Variants in SRD5A1 observed in about 807,000 individuals in gnomAD.
SRD5A1 encodes the protein 3-oxo-5-alpha-steroid 4-dehydrogenase 1.
In SRD5A1, 22 loss-of-function variants were observed where a neutral mutation model predicts 28.2. The ratio of observed to expected loss-of-function variants is 0.78; its 90% CI spans 0.56 to 1.12. The LOEUF (loss-of-function observed/expected upper bound fraction) is 1.12, where lower values mean the gene tolerates loss of function less well. Among genes scored for constraint, SRD5A1 ranks in the 50% most tolerant of loss-of-function variants. The pLI is 0.00. For missense variants in SRD5A1, 300 were observed against 346.7 expected, an observed-to-expected ratio of 0.87 and a Z score of 1.07; for synonymous variants, 151 against 135.0, an observed-to-expected ratio of 1.12 and a Z score of -0.82.
chr5:6,667,926 T>G (rs1275439221), intron 4 of SRD5A1, among the ~76,000 whole-genome samples: 1 of 152,252 alleles, frequency 6.6e-6, no homozygotes, highest in African/African-American at 2.4e-5. Flanking sequence ...CGCAATGTGC[T>G]GATCAGTATT....
chr5:6,635,558 C>G (rs1560991736), intron 1 of SRD5A1, among the ~76,000 whole-genome samples: 3 of 152,216 alleles, frequency 2.0e-5, no homozygotes, highest in Non-Finnish European at 2.9e-5. Context: ...ATGGAACCCC[C>G]CTGTGGGATC....
rs1739278449 is a variant in SRD5A1 at position 6,668,951 on chromosome 5, C to T, written c.*683C>T. On this transcript the variant is annotated 3_prime_UTR_variant, in exon 5 of 5. Transcript: ENST00000274192. ...GTGGTGGTTCATACGGAGTAAGCTG[C>T]TCTGCCTGTGTGAGTGGCTCCTGGG... 1 of 152,354 alleles carries T rather than the reference C, an allele frequency of 6.6e-6. No individual in the cohort carries two copies. The highest frequency in any genetic ancestry group is 2.1e-4 in the South Asian group (1 of 4,828). 9.4% of individuals were successfully genotyped at this position (152,354 alleles called of 1,614,324 possible). A position where few individuals can be genotyped will look rare whatever the true frequency, so the allele number is the denominator to read the frequency against.
In SRD5A1 at chr5:6,633,781, T is replaced by C. The variant is rs1738068455; in HGVS notation, c.205T>C (p.Tyr69His). 11 of 1,597,766 alleles carry C rather than the reference T, an allele frequency of 6.9e-6. No homozygotes were observed. The highest frequency in any genetic ancestry group is 8.5e-6 in the Non-Finnish European group (10 of 1,179,636). ...GCTGCCCTCGCTGGCCCTGCCGCTC[T>C]ACCAGTACGCCAGCGAGTCCGCCCC... ...QELPSLALPL[Y>H]QYASESAPRL... The change falls in exon 1 of 5, where the codon TAC becomes CAC. Residue 69 changes from tyrosine to histidine, a missense_variant. This residue lies in a region of SRD5A1 where 174 missense variants were observed against 160.9 expected (regional missense o/e 1.08). Transcript: ENST00000274192.
In SRD5A1 at chr5:6,639,275, T is replaced by C. The variant is rs553765382; in HGVS notation, c.293+5406T>C. On this transcript the variant is annotated intron_variant, in intron 1 of 4. Coordinates refer to ENST00000274192, the MANE Select transcript of SRD5A1 (RefSeq NM_001047.4). ...TTAAAGAATAGTCATTCCAAGTAGT[T>C]GCTTGCATTTTCATCCTCTGGAATG... is the stretch of plus-strand genomic sequence containing the variant. Among the ~76,000 whole-genome samples, 9 of 152,374 alleles carry C rather than the reference T, an allele frequency of 5.9e-5. No homozygotes were observed. In the East Asian group the frequency reaches 1.7e-3, roughly 29 times the overall value.
Position 6,633,830 on chromosome 5 carries a change from G to C in SRD5A1, c.254G>C (p.Cys85Ser). The change falls in exon 1 of 5, where the codon TGC (cysteine) becomes TCC (serine). Residue 85 changes from cysteine to serine, a missense_variant. By Grantham distance (112) the Cys-to-Ser change is moderately radical. This residue lies in a region of SRD5A1 where 174 missense variants were observed against 160.9 expected (regional missense o/e 1.08). Coordinates refer to ENST00000274192, the MANE Select transcript of SRD5A1 (RefSeq NM_001047.4). The part of the protein sequence containing the change: ...SAPRLRSAPN[C>S]ILLAMFLVHY... The stretch of plus-strand genomic sequence containing the variant: ...CCGCGTCTCCGCAGCGCGCCCAACT[G>C]CATCCTCCTGGCCATGTTCCTCGTC... 6.3e-7 allele frequency: 1 copy of C among 1,597,790 alleles called. No homozygotes were observed. Among genetic ancestry groups the C allele is most frequent in the Non-Finnish European group, 8.5e-7 (1 of 1,179,622 alleles).
chr5:6,670,236 A>G lies in SRD5A1; in HGVS notation c.*1968A>G, dbSNP rs1219824340. ...CCCAGGAAAAAAATAAAGTCTCCACATTTTGGCCTATAGGGATCCTGCCCC... is the reference window on the plus strand; with the variant it reads ...CCCAGGAAAAAAATAAAGTCTCCACGTTTTGGCCTATAGGGATCCTGCCCC... On this transcript the variant is annotated 3_prime_UTR_variant, in exon 5 of 5. Transcript: ENST00000274192. 6.6e-6 allele frequency: 1 copy of G among 152,170 alleles called. No homozygotes were observed. The highest frequency in any genetic ancestry group is 1.5e-5 in the Non-Finnish European group (1 of 68,032). 9.4% of individuals were successfully genotyped at this position (152,170 alleles called of 1,614,324 possible).
In SRD5A1 at chr5:6,658,122, C is replaced by G. The variant is rs183283440; in HGVS notation, c.562+1943C>G. On this transcript the variant is annotated intron_variant, in intron 3 of 4. Coordinates refer to ENST00000274192, the MANE Select transcript of SRD5A1 (RefSeq NM_001047.4). ...GGCAGATCACATGAGGTCCAGAGTTCGAGACCAACCTGGCCAACATGGTAA... is the reference window on the plus strand; with the variant it reads ...GGCAGATCACATGAGGTCCAGAGTTGGAGACCAACCTGGCCAACATGGTAA... 4.6e-5 allele frequency among the ~76,000 whole-genome samples: 7 copies of G among 152,106 alleles called. No homozygotes were observed. The East Asian group carries it at 1.2e-3, about 25-fold the overall frequency.
chr5:6,646,205 T>C (rs1738507017), intron 1 of SRD5A1, among the ~76,000 whole-genome samples: 2 of 152,236 alleles, frequency 1.3e-5, no homozygotes, highest in Admixed American at 1.3e-4. Flanking sequence ...TAGTATTCCA[T>C]GGTGTATATG....
chr5:6,671,108 T>G lies in SRD5A1; in HGVS notation c.*2840T>G, dbSNP rs1366172921. ...TGTTTTCCATGGTGGCTCTAATAGT[T>G]TACATTCCCACCAGCAGTGTGGAAG... On this transcript the variant is annotated 3_prime_UTR_variant, in exon 5 of 5. Coordinates refer to ENST00000274192, the MANE Select transcript of SRD5A1 (RefSeq NM_001047.4). 1 of 152,224 alleles carries G rather than the reference T, an allele frequency of 6.6e-6. No individual in the cohort carries two copies. Among genetic ancestry groups the G allele is most frequent in the Non-Finnish European group, 1.5e-5 (1 of 68,040 alleles). The allele number at this position is 152,224 out of a possible 1,614,324, so 9.4% of individuals were successfully genotyped here.
At chr5:6,644,756 C>T (rs1738458579) in intron 1 of SRD5A1, 1 of 406,558 alleles carries the variant, frequency 2.5e-6, no homozygotes, top group South Asian at 1.8e-5. Context: ...CTATGACAGT[C>T]CAAGAAGCCC....
At chr5:6,662,179 G>A (rs749516242) in intron 3 of SRD5A1, among the ~76,000 whole-genome samples, 3 of 152,160 alleles carry the variant, frequency 2.0e-5, no homozygotes, top group African/African-American at 2.4e-5. Context: ...GCCTTGAATC[G>A]ACCCTCACCT....
In SRD5A1 at chr5:6,671,144, T is replaced by C. The variant is rs1739347508; in HGVS notation, c.*2876T>C. 6.6e-6 allele frequency: 1 copy of C among 152,232 alleles called. No individual in the cohort carries two copies. Among genetic ancestry groups the C allele is most frequent in the South Asian group, 2.1e-4 (1 of 4,838 alleles). The allele number at this position is 152,232 out of a possible 1,614,324, so 9.4% of individuals were successfully genotyped here. ...CCAGCAGTGTGGAAGTGTTCCATGA[T>C]TGCCGCATGCATGCCAACATCTACT... On this transcript the variant is annotated 3_prime_UTR_variant, in exon 5 of 5. Transcript: ENST00000274192.
intron 1 of SRD5A1, among the ~76,000 whole-genome samples, chr5:6,644,074 G>A (rs1031235498): frequency 6.6e-5 from 10 of 152,194 alleles, no homozygotes; most frequent in African/African-American, 1.9e-4. Flanking sequence ...CAGAGGGAAC[G>A]TCCACCACAT....
At chr5:6,650,809 A>C (rs1296573188) in intron 1 of SRD5A1, among the ~76,000 whole-genome samples, 5 of 97,084 alleles carry the variant, frequency 5.2e-5, no homozygotes, top group South Asian at 4.0e-4. Context: ...CCACCCCACA[A>C]CAGTCCCCAG....
chr5:6,668,102 CTG>C (rs1187564180), intron 4 of SRD5A1, 98 bp from the exon 5 acceptor site: 3 of 717,254 alleles, frequency 4.2e-6, no homozygotes, highest in Non-Finnish European at 6.6e-6. Flanking sequence ...ATTTAAAAAA[CTG>C]AGTACTCTTT....
chr5:6,657,464 C>G (rs1738867121), intron 3 of SRD5A1, among the ~76,000 whole-genome samples: 1 of 152,196 alleles, frequency 6.6e-6, no homozygotes. Flanking sequence ...GGATGGTGGC[C>G]CCCTCGCTTC....
intron 1 of SRD5A1, among the ~76,000 whole-genome samples, chr5:6,639,246 C>T (rs984171637): frequency 3.9e-5 from 6 of 152,206 alleles, no homozygotes; most frequent in African/African-American, 9.7e-5. Context: ...TTACTTTAAA[C>T]GCTTTAAAGA....
In SRD5A1 at chr5:6,673,871, A is replaced by G. The variant is rs920770298; in HGVS notation, c.*5603A>G. 9 of 152,258 alleles carry G rather than the reference A, an allele frequency of 5.9e-5. No individual in the cohort carries two copies. The highest frequency in any genetic ancestry group is 2.2e-4 in the African/African-American group (9 of 41,474). 9.4% of individuals were successfully genotyped at this position (152,258 alleles called of 1,614,324 possible). A position where few individuals can be genotyped will look rare whatever the true frequency, so the allele number is the denominator to read the frequency against. Reference sequence around the variant, plus strand: ...AAAAAAGCCAGTTTGCAAAGGCTAGATACTATATGATCCCAACTGTATAAC... The same window carrying G: ...AAAAAAGCCAGTTTGCAAAGGCTAGGTACTATATGATCCCAACTGTATAAC... On this transcript the variant is annotated 3_prime_UTR_variant, in exon 5 of 5. Transcript: ENST00000274192.
intron 1 of SRD5A1, among the ~76,000 whole-genome samples, chr5:6,637,646 C>CA (rs2126524246): frequency 6.6e-6 from 1 of 152,318 alleles, no homozygotes; most frequent in East Asian, 1.9e-4. Context: ...CTGCATTGCA[C>CA]ATTCATTTAA....
Sources: gnomAD v4.1 joint callset for allele counts (sites outside exome capture counted in the v4.1 genomes callset) on GRCh38, gnomAD v4.1.1 for gene constraint, gnomAD v4.1.1 regional missense constraint, MANE v1.5 for transcripts, NCBI Gene and HGNC (gene_info 2026-07-23, HGNC 2026-07-21) for gene names.